The following COLEC11 variants were observed in gnomAD, a reference collection of about 807,000 sequenced individuals.
COLEC11 encodes the protein collectin-11.
Under a neutral mutation model 27.3 loss-of-function variants are expected in COLEC11, and 20 were observed. That is an observed-to-expected ratio of 0.73 (90% CI 0.51 to 1.06). The LOEUF is 1.06. COLEC11 is among the 50% of genes least tolerant of loss of function. The pLI, the probability that COLEC11 is intolerant of heterozygous loss-of-function variation, is 0.00. For missense variants in COLEC11, 310 were observed against 383.0 expected (o/e 0.81, Z 1.59); for synonymous variants, 163 against 154.7 (o/e 1.05, Z -0.40).
intron 3 of COLEC11, among the ~76,000 whole-genome samples, chr2:3,623,494 C>A (rs949488608): frequency 6.6e-6 from 1 of 151,544 alleles, no homozygotes; most frequent in African/African-American, 2.4e-5. Context: ...TGCCTTTTTT[C>A]TTTTCTCTTC....
intron 3 of COLEC11, among the ~76,000 whole-genome samples, chr2:3,627,690 G>A (rs1042221116): frequency 2.0e-5 from 3 of 151,518 alleles, no homozygotes; most frequent in African/African-American, 7.3e-5. Context: ...GTGACGCTGG[G>A]CACGATGACG....
At chr2:3,631,029 G>A (rs771367777) in intron 3 of COLEC11, among the ~76,000 whole-genome samples, 9 of 152,066 alleles carry the variant, frequency 5.9e-5, no homozygotes, top group African/African-American at 9.7e-5. Flanking sequence ...TCAGGAGTTC[G>A]AGACCAGCCT....
Position 3,643,963 on chromosome 2 carries a change from C to G in COLEC11, c.661C>G (p.Pro221Ala). 1 of 1,614,182 alleles carries G rather than the reference C, an allele frequency of 6.2e-7. No homozygotes were observed. The highest frequency in any genetic ancestry group is 8.5e-7 in the Non-Finnish European group (1 of 1,180,046). ...CGCCTTCGTGTACTCTGACCACTCC[C>G]CCATGCGGACCTTCAACAAGTGGCG... ...EGAFVYSDHS[P>A]MRTFNKWRSG... is the part of the protein sequence containing the mutation. Residue 221 changes from proline to alanine, a missense_variant, in exon 7 of 7, where the codon CCC becomes GCC. Physicochemically the swap from Pro to Ala is conservative, Grantham distance 27. Coordinates refer to ENST00000349077, the MANE Select transcript of COLEC11 (RefSeq NM_024027.5).
intron 3 of COLEC11, among the ~76,000 whole-genome samples, chr2:3,614,640 C>A (rs1380241014): frequency 1.3e-5 from 2 of 151,896 alleles, no homozygotes; most frequent in African/African-American, 4.8e-5. Context: ...TTTTTATAGG[C>A]AATACAGAAG....
At chr2:3,622,314 T>TTTTA (rs1664243490) in intron 3 of COLEC11, among the ~76,000 whole-genome samples, 1 of 151,810 alleles carries the variant, frequency 6.6e-6, no homozygotes, top group Non-Finnish European at 1.5e-5. Flanking sequence ...GGTGAGAGAG[T>TTTTA]GAAACCCTGT....
rs964700381 is a variant in COLEC11, at chr2:3,619,455, C to T, written c.202+6073C>T. 3.9e-5 allele frequency among the ~76,000 whole-genome samples: 6 copies of T among 152,106 alleles called. No homozygotes were observed. In the South Asian group the frequency reaches 1.0e-3, roughly 26 times the overall value. ...TTGAGGTGCATTCTTTGTATATGTG[C>T]TTTCTTGAGAGCTTTTATCATGAAA... On this transcript the variant is annotated intron_variant, in intron 3 of 6. Transcript: ENST00000349077.
chr2:3,602,799 T>C lies in COLEC11; in HGVS notation c.-26-1516T>C, dbSNP rs1290181391. ...CGGCATGCACTGCCTCAAGGCTTTC[T>C]CTGAGCCGCCCTCACCCACCTGTCA... On this transcript the variant is annotated intron_variant, in intron 1 of 6. Transcript: ENST00000349077. The surrounding 1 kb of genome is among the most constrained non-coding windows in gnomAD (Gnocchi z 6.2). Among the ~76,000 whole-genome samples, 1 of 152,152 alleles carries C rather than the reference T, an allele frequency of 6.6e-6. No homozygotes were observed. Among genetic ancestry groups the C allele is most frequent in the Non-Finnish European group, 1.5e-5 (1 of 68,030 alleles).
intron 5 of COLEC11, chr2:3,641,446 G>C (rs1230990231): frequency 7.8e-7 from 1 of 1,274,704 alleles, no homozygotes; most frequent in Non-Finnish European, 1.0e-6. Flanking sequence ...GGTGACGGCG[G>C]GGCAAGGAGA....
intron 1 of COLEC11, among the ~76,000 whole-genome samples, chr2:3,601,538 C>T (rs1194025278): frequency 6.6e-6 from 1 of 152,210 alleles, no homozygotes; most frequent in Non-Finnish European, 1.5e-5. Flanking sequence ...AAGCAATCTG[C>T]TGGCCTTGGC....
In COLEC11 at chr2:3,602,511, C is replaced by A. The variant is rs542234254; in HGVS notation, c.-26-1804C>A. Reference sequence around the variant, plus strand: ...CTTTGCTTCCAGACTGCATCCCATACCTCTGTCATCACCTCCACCCACACG... The same window carrying A: ...CTTTGCTTCCAGACTGCATCCCATAACTCTGTCATCACCTCCACCCACACG... On this transcript the variant is annotated intron_variant, in intron 1 of 6. Transcript: ENST00000349077. The surrounding 1 kb of genome is among the most constrained non-coding windows in gnomAD (Gnocchi z 6.2). Among the ~76,000 whole-genome samples the A allele has an allele frequency of 6.6e-6, 1 of 152,158 alleles. No homozygotes were observed. Among genetic ancestry groups the A allele is most frequent in the Non-Finnish European group, 1.5e-5 (1 of 68,030 alleles).
chr2:3,613,372 G>C lies in COLEC11; in HGVS notation c.192G>C (p.Thr64=). The C allele has an allele frequency of 6.3e-7, 1 of 1,599,610 alleles. No individual in the cohort carries two copies. Residue 64 remains threonine, a synonymous_variant, in exon 3 of 7, where the codon ACG becomes ACC. Transcript: ENST00000349077. ...GACGGCCTGGAAGAGTCGGCCCCACGGGAGAAAAAGGTACCTGCAGCCCTG... is the reference window on the plus strand; with the variant it reads ...GACGGCCTGGAAGAGTCGGCCCCACCGGAGAAAAAGGTACCTGCAGCCCTG... ...APGRPGRVGP[T]GEKGDMGDKG... is the part of the protein sequence containing the mutation.
intron 3 of COLEC11, among the ~76,000 whole-genome samples, chr2:3,625,666 T>C (rs1205000085): frequency 3.3e-5 from 4 of 122,200 alleles, no homozygotes; most frequent in Non-Finnish European, 6.4e-5. Flanking sequence ...TCACTCTCGC[T>C]CTGTTGTCAA....
rs189170745 is a variant in COLEC11, at chr2:3,634,455, C to T, written c.203-3078C>T. Among the ~76,000 whole-genome samples, 18 of 152,308 alleles carry T rather than the reference C, an allele frequency of 1.2e-4. No individual in the cohort carries two copies. In the East Asian group the frequency reaches 3.5e-3, roughly 29 times the overall value. ...CTCCAGCCATGAGAACTGACTGTAC[C>T]GTGCCTCCTCCTGCAGCAAAGCAGG... is the stretch of plus-strand genomic sequence containing the variant. On this transcript the variant is annotated intron_variant, in intron 3 of 6. Coordinates refer to ENST00000349077, the MANE Select transcript of COLEC11 (RefSeq NM_024027.5).
intron 3 of COLEC11, among the ~76,000 whole-genome samples, chr2:3,622,395 C>T (rs1372550058): frequency 6.6e-6 from 1 of 152,078 alleles, no homozygotes; most frequent in Non-Finnish European, 1.5e-5. Flanking sequence ...TGTCTTTTAA[C>T]CTTTATACTA....
chr2:3,596,162 C>T (rs865851656), intron 1 of COLEC11, among the ~76,000 whole-genome samples: 9 of 152,142 alleles, frequency 5.9e-5, no homozygotes, highest in South Asian at 4.1e-4. Flanking sequence ...GGAAACACCG[C>T]GGTGGGGCTG....
chr2:3,613,836 C>A (rs1021198607), intron 3 of COLEC11, among the ~76,000 whole-genome samples: 1 of 152,168 alleles, frequency 6.6e-6, no homozygotes, highest in Non-Finnish European at 1.5e-5. Flanking sequence ...GGAGCTAGAT[C>A]ATACGTGTAA....
intron 2 of COLEC11, among the ~76,000 whole-genome samples, chr2:3,606,602 G>A (rs1662721049): frequency 6.6e-6 from 1 of 152,208 alleles, no homozygotes; most frequent in Non-Finnish European, 1.5e-5. Flanking sequence ...CCTGCTCCTT[G>A]CTCTGGGACA....
At chr2:3,642,146 G>A (rs1665914235) in intron 5 of COLEC11, among the ~76,000 whole-genome samples, 1 of 152,190 alleles carries the variant, frequency 6.6e-6, no homozygotes, top group Non-Finnish European at 1.5e-5. Context: ...GCGTGTTCTG[G>A]ACACCGTGCC....
chr2:3,614,676 A>G (rs1480524831), intron 3 of COLEC11, among the ~76,000 whole-genome samples: 2 of 152,230 alleles, frequency 1.3e-5, no homozygotes. Flanking sequence ...AAGGGTGCTC[A>G]GAGTAAAACT....
Sources: allele counts gnomAD v4.1 joint callset (sites outside exome capture counted in the v4.1 genomes callset), GRCh38; gene constraint gnomAD v4.1.1; non-coding constraint Gnocchi (gnomAD v3.1); transcripts MANE v1.5; gene names NCBI Gene and HGNC (gene_info 2026-07-23, HGNC 2026-07-21).